The following N4BP2 variants were observed in gnomAD, a reference collection of about 807,000 sequenced individuals.
N4BP2 encodes the protein NEDD4-binding protein 2.
Under a neutral mutation model 152.8 loss-of-function variants are expected in N4BP2, and 91 were observed. The observed-to-expected ratio is 0.60, with a 90% CI of 0.50 to 0.71. The LOEUF is 0.71. Ranked by LOEUF, N4BP2 falls within the 30% of genes least tolerant of loss-of-function variation. The pLI is 0.00. For missense variants in N4BP2, 1,923 were observed against 2,059.1 expected (o/e 0.93, Z 1.28); for synonymous variants, 646 against 705.3 (o/e 0.92, Z 1.33).
intron 2 of N4BP2, among the ~76,000 whole-genome samples, chr4:40,084,420 ATGCC>A (rs544802223): frequency 1.6e-3 from 238 of 148,962 alleles, no homozygotes; most frequent in South Asian, 2.8e-3. Flanking sequence ...ACTTTTAGAT[ATGCC>A]TGGTTTGAGA....
intron 2 of N4BP2, among the ~76,000 whole-genome samples, chr4:40,088,807 AGTT>A (rs1714245723): frequency 6.6e-6 from 1 of 151,874 alleles, no homozygotes; most frequent in Non-Finnish European, 1.5e-5. Flanking sequence ...ACCTCATTAG[AGTT>A]TTAATTCGCA....
At position 40,080,342 on chromosome 4, in the gene N4BP2, A is replaced by G. The variant is rs1017772936; in HGVS notation, c.-115+6791A>G. Among the ~76,000 whole-genome samples the G allele has an allele frequency of 3.3e-5, 5 of 150,650 alleles. No homozygotes were observed. The South Asian group carries it at 6.3e-4, about 19-fold the overall frequency. On this transcript the variant is annotated intron_variant, in intron 2 of 17. Coordinates refer to ENST00000261435, the MANE Select transcript of N4BP2 (RefSeq NM_018177.6). ...TATATATATACACACACACATATAT[A>G]TGTATATATATAATTTTTTTTTTTT... is the stretch of plus-strand genomic sequence containing the variant.
At chr4:40,139,724 C>A (rs1414161627) in intron 14 of N4BP2, among the ~76,000 whole-genome samples, 1 of 151,280 alleles carries the variant, frequency 6.6e-6, no homozygotes, top group Non-Finnish European at 1.5e-5. Context: ...AACTCCTGAC[C>A]TTGTGATCCA....
At chr4:40,075,971 C>G (rs558653692) in intron 2 of N4BP2, among the ~76,000 whole-genome samples, 1 of 152,266 alleles carries the variant, frequency 6.6e-6, no homozygotes, top group South Asian at 2.1e-4. Context: ...GGACTACAGG[C>G]ATGTACCACC....
intron 2 of N4BP2, among the ~76,000 whole-genome samples, chr4:40,086,742 A>C (rs1313862509): frequency 6.6e-6 from 1 of 151,426 alleles, no homozygotes; most frequent in Non-Finnish European, 1.5e-5. Flanking sequence ...TATAGATTTA[A>C]AAAAATTATT....
chr4:40,143,945 C>A (rs187810353), intron 15 of N4BP2, among the ~76,000 whole-genome samples: 1 of 152,134 alleles, frequency 6.6e-6, no homozygotes, highest in African/African-American at 2.4e-5. Context: ...CAGCTGTAAG[C>A]TAGAGAACCA....
the N4BP2 span, among the ~76,000 whole-genome samples, chr4:40,181,055 C>G: frequency 6.6e-6 from 1 of 152,178 alleles, no homozygotes; most frequent in East Asian, 1.9e-4. Flanking sequence ...GAGGCTGAGA[C>G]AGGAGAATTG....
chr4:40,171,349 T>C, the N4BP2 span, among the ~76,000 whole-genome samples: 10 of 152,324 alleles, frequency 6.6e-5, no homozygotes, highest in East Asian at 1.9e-4. Context: ...TTTCTACTTA[T>C]TGCTGTTGAG....
intron 16 of N4BP2, 83 bp from the exon 17 acceptor site, chr4:40,152,697 G>A: frequency 2.7e-6 from 4 of 1,479,998 alleles, no homozygotes; most frequent in Non-Finnish European, 3.7e-6. Flanking sequence ...ACAATTTCAT[G>A]TGCTTGAGTA....
intron 3 of N4BP2, among the ~76,000 whole-genome samples, chr4:40,100,610 G>A (rs975231720): frequency 5.9e-5 from 9 of 151,976 alleles, no homozygotes; most frequent in Non-Finnish European, 8.8e-5. Context: ...GGGCTCAAGC[G>A]ATCTACCTGC....
intron 2 of N4BP2, among the ~76,000 whole-genome samples, chr4:40,094,764 C>G (rs769410343): frequency 4.0e-5 from 6 of 151,542 alleles, no homozygotes; most frequent in Non-Finnish European, 5.9e-5. Flanking sequence ...GTTGGTCAGG[C>G]TGGTCTCAAA....
the N4BP2 span, among the ~76,000 whole-genome samples, chr4:40,180,933 T>C: frequency 2.0e-5 from 3 of 152,034 alleles, no homozygotes; most frequent in Non-Finnish European, 4.4e-5. Flanking sequence ...GGGTGGATCA[T>C]GAGGTCGGGA....
chr4:40,163,891 C>T, the N4BP2 span, among the ~76,000 whole-genome samples: 3 of 152,264 alleles, frequency 2.0e-5, no homozygotes, highest in South Asian at 2.1e-4. Context: ...ATAGAATTTG[C>T]GAAATCTTTC....
chr4:40,069,318 A>G (rs937928472), intron 1 of N4BP2, among the ~76,000 whole-genome samples: 2 of 151,970 alleles, frequency 1.3e-5, no homozygotes, highest in South Asian at 4.2e-4. Context: ...TCTTGCCTGT[A>G]ATCCCAGCTA....
chr4:40,162,706 C>T (rs961492864), downstream of N4BP2, among the ~76,000 whole-genome samples: 1 of 152,074 alleles, frequency 6.6e-6, no homozygotes, highest in African/African-American at 2.4e-5. Flanking sequence ...TTTAATGTAG[C>T]TTATTGGTGT....
chr4:40,059,822 T>A (rs1253161073), intron 1 of N4BP2, among the ~76,000 whole-genome samples: 6 of 152,200 alleles, frequency 3.9e-5, no homozygotes, highest in Admixed American at 3.9e-4. Flanking sequence ...CATATGTGAT[T>A]GTATTTAATT....
chr4:40,159,028 T>C (rs937931399), downstream of N4BP2, among the ~76,000 whole-genome samples: 2 of 152,228 alleles, frequency 1.3e-5, no homozygotes, highest in Non-Finnish European at 2.9e-5. Context: ...GTATATGTTA[T>C]ATTTTAAATC....
chr4:40,176,446 C>A, the N4BP2 span, among the ~76,000 whole-genome samples: 1 of 152,050 alleles, frequency 6.6e-6, no homozygotes, highest in African/African-American at 2.4e-5. Context: ...TTATATCTCC[C>A]TTTCTTTGAT....
At chr4:40,147,690 C>T (rs1015256843) in intron 16 of N4BP2, among the ~76,000 whole-genome samples, 10 of 150,710 alleles carry the variant, frequency 6.6e-5, no homozygotes, top group African/African-American at 2.4e-4. Context: ...GCTGACCCCC[C>T]ACCTCCCTCC....
Sources: gnomAD v4.1 joint callset for allele counts (sites outside exome capture counted in the v4.1 genomes callset) on GRCh38, gnomAD v4.1.1 for gene constraint, MANE v1.5 for transcripts, NCBI Gene and HGNC (gene_info 2026-07-23, HGNC 2026-07-21) for gene names.